The following AFG2A variants were observed in gnomAD, a reference collection of about 807,000 sequenced individuals.
AFG2A encodes AAA ATPase AFG2A, also known as ATPase family gene 2 protein homolog A.
chr4:123,076,115 A>T, the AFG2A span, among the ~76,000 whole-genome samples: 806 of 152,080 alleles, frequency 5.3e-3, 7 homozygotes, highest in African/African-American at 0.018. Flanking sequence ...TAAAAAATTT[A>T]AAAAAATTAG....
At chr4:122,979,023 G>T in the AFG2A span, among the ~76,000 whole-genome samples, 1 of 152,178 alleles carries the variant, frequency 6.6e-6, no homozygotes, top group Admixed American at 6.5e-5. Context: ...GGTGAGTGGG[G>T]CTCACACCCC....
At chr4:123,273,684 T>C in the AFG2A span, among the ~76,000 whole-genome samples, 1 of 152,196 alleles carries the variant, frequency 6.6e-6, no homozygotes, top group South Asian at 2.1e-4. Context: ...CCTGACTTCA[T>C]GTGATGGGCT....
the AFG2A span, chr4:123,256,906 G>A: frequency 1.1e-6 from 1 of 935,406 alleles, no homozygotes; most frequent in Non-Finnish European, 1.3e-6. Flanking sequence ...CATTTCTTAA[G>A]GAAAGGACCA....
chr4:123,090,495 A>G, the AFG2A span: 1 of 1,451,802 alleles, frequency 6.9e-7, no homozygotes, highest in East Asian at 2.5e-5. Context: ...CTCTTGTTAT[A>G]GACTATAGAA....
At chr4:123,284,954 T>C in the AFG2A span, among the ~76,000 whole-genome samples, 1 of 152,176 alleles carries the variant, frequency 6.6e-6, no homozygotes, top group Non-Finnish European at 1.5e-5. Context: ...TTACAACCAC[T>C]TTTGGATAGT....
At chr4:123,012,206 C>A in the AFG2A span, among the ~76,000 whole-genome samples, 1 of 124,428 alleles carries the variant, frequency 8.0e-6, no homozygotes, top group African/African-American at 3.2e-5. Flanking sequence ...GGGCGCTTGT[C>A]CCCCAGGAAA....
At chr4:123,300,574 T>C in the AFG2A span, among the ~76,000 whole-genome samples, 1 of 152,276 alleles carries the variant, frequency 6.6e-6, no homozygotes, top group South Asian at 2.1e-4. Flanking sequence ...ACCCAGTATA[T>C]AGTGTTGTTA....
chr4:123,096,169 C>T, the AFG2A span, among the ~76,000 whole-genome samples: 1 of 151,948 alleles, frequency 6.6e-6, no homozygotes, highest in African/African-American at 2.4e-5. Flanking sequence ...CCTAAGTCCC[C>T]GAGGCTTTTT....
the AFG2A span, among the ~76,000 whole-genome samples, chr4:123,286,925 T>C: frequency 6.6e-6 from 1 of 151,772 alleles, no homozygotes; most frequent in African/African-American, 2.4e-5. Flanking sequence ...CCAAAGTCAC[T>C]AAAATTACTC....
the AFG2A span, among the ~76,000 whole-genome samples, chr4:123,253,371 C>T: frequency 6.6e-6 from 1 of 151,882 alleles, no homozygotes. Flanking sequence ...GTAATCCCAG[C>T]TACTTGGGAG....
At chr4:123,118,606 A>G in the AFG2A span, among the ~76,000 whole-genome samples, 803 of 151,816 alleles carry the variant, frequency 5.3e-3, 2 homozygotes, top group African/African-American at 0.018. Context: ...TAACAGTACT[A>G]CAAAGAGTAA....
the AFG2A span, among the ~76,000 whole-genome samples, chr4:123,105,196 T>C: frequency 9.8e-5 from 15 of 152,310 alleles, no homozygotes; most frequent in South Asian, 1.7e-3. Context: ...TGAACAGTTA[T>C]GTTAAGTCTA....
At chr4:123,236,052 A>C in the AFG2A span, among the ~76,000 whole-genome samples, 1 of 152,168 alleles carries the variant, frequency 6.6e-6, no homozygotes, top group Non-Finnish European at 1.5e-5. Context: ...GTGTTAGTAC[A>C]TAGATACCTA....
the AFG2A span, among the ~76,000 whole-genome samples, chr4:123,196,167 A>ATTTTTTTTTTTTTTTT: frequency 5.0e-5 from 4 of 79,668 alleles, no homozygotes; most frequent in African/African-American, 1.8e-4. Flanking sequence ...TGCCCAGCTA[A>ATTTTTTTTTTTTTTTT]TTTTTTTTTT....
the AFG2A span, among the ~76,000 whole-genome samples, chr4:123,160,826 T>G: frequency 2.0e-5 from 3 of 150,024 alleles, no homozygotes; most frequent in East Asian, 5.8e-4. Context: ...GGTTTTTTTC[T>G]TATACATACA....
chr4:123,031,229 G>A, the AFG2A span, among the ~76,000 whole-genome samples: 52 of 152,152 alleles, frequency 3.4e-4, no homozygotes, highest in East Asian at 7.5e-3. Context: ...TCAGCTCACC[G>A]CAGTTCCCAC....
chr4:123,283,913 T>C, the AFG2A span, among the ~76,000 whole-genome samples: 171 of 152,238 alleles, frequency 1.1e-3, 2 homozygotes, highest in South Asian at 7.2e-3. Flanking sequence ...ATGTAAATAA[T>C]TGTTTCACCA....
At chr4:123,006,364 G>T in the AFG2A span, among the ~76,000 whole-genome samples, 1 of 151,598 alleles carries the variant, frequency 6.6e-6, no homozygotes, top group Non-Finnish European at 1.5e-5. Context: ...GTTATCATGT[G>T]CCTTGGTAGT....
the AFG2A span, among the ~76,000 whole-genome samples, chr4:123,240,364 G>A: frequency 1.3e-5 from 2 of 151,998 alleles, no homozygotes; most frequent in African/African-American, 2.4e-5. Flanking sequence ...CTCTAAAATC[G>A]ACCACATAAT....
Sources: gnomAD v4.1 joint callset for allele counts (sites outside exome capture counted in the v4.1 genomes callset) on GRCh38, gnomAD v4.1.1 for gene constraint, MANE v1.5 for transcripts, NCBI Gene and HGNC (gene_info 2026-07-23, HGNC 2026-07-21) for gene names.